Variants in KIAA1755 observed in about 807,000 individuals in gnomAD.
KIAA1755 encodes the protein KIAA1755.
In KIAA1755, 68 loss-of-function variants were observed where a neutral mutation model predicts 91.7. The ratio of observed to expected loss-of-function variants is 0.74; its 90% CI spans 0.61 to 0.91. The LOEUF (loss-of-function observed/expected upper bound fraction) is 0.91, where lower values mean the gene tolerates loss of function less well. Among genes scored for constraint, KIAA1755 ranks in the 40% least tolerant of loss-of-function variants. The pLI is 0.00. For missense variants in KIAA1755, 1,535 were observed against 1,494.4 expected, an observed-to-expected ratio of 1.03 and a Z score of -0.45; for synonymous variants, 610 against 604.6, an observed-to-expected ratio of 1.01 and a Z score of -0.13.
rs1286256694 is a variant in KIAA1755 at position 38,239,695 on chromosome 20, G to C, written c.1580C>G (p.Pro527Arg). Residue 527 changes from proline (P) to arginine (R), a missense_variant, in exon 4 of 14, where the codon CCA (proline) becomes CGA (arginine). Physicochemically the swap from Pro to Arg is moderately radical, Grantham distance 103. Transcript: ENST00000279024. ...AGTCAGTGGGCTGGGGGCAGTGGCT[G>C]GGCCAGATGTTTTGGTCTGAGTTGT... ...AGTTQTKTSG[P>R]ATAPSPLTEE... The C allele has an allele frequency of 3.1e-6, 5 of 1,612,354 alleles. No individual in the cohort carries two copies. The highest frequency in any genetic ancestry group is 1.3e-5 in the African/African-American group (1 of 74,852).
intron 4 of KIAA1755, among the ~76,000 whole-genome samples, chr20:38,232,684 G>A (rs2075890448): frequency 2.6e-5 from 4 of 151,520 alleles, no homozygotes. Flanking sequence ...ATATATCAAT[G>A]TTATCCTCTT....
chr20:38,255,714 T>C (rs1384368733), intron 1 of KIAA1755, among the ~76,000 whole-genome samples: 2 of 152,164 alleles, frequency 1.3e-5, no homozygotes, highest in Non-Finnish European at 2.9e-5. Context: ...TGAGTGAGTA[T>C]TGGCTCGTAT....
At chr20:38,258,672 C>G (rs1322650240) in intron 1 of KIAA1755, among the ~76,000 whole-genome samples, 3 of 152,134 alleles carry the variant, frequency 2.0e-5, no homozygotes, top group African/African-American at 7.2e-5. Flanking sequence ...CAAGCAGGAA[C>G]AGCATGTGCA....
At chr20:38,214,198 G>C (rs1488710264) in intron 13 of KIAA1755, among the ~76,000 whole-genome samples, 1 of 152,120 alleles carries the variant, frequency 6.6e-6, no homozygotes, top group Non-Finnish European at 1.5e-5. Flanking sequence ...TGATCCACCC[G>C]CCGCAGCCTC....
intron 10 of KIAA1755, 64 bp from the exon 11 acceptor site, chr20:38,219,832 C>T (rs537857415): frequency 1.4e-5 from 22 of 1,580,532 alleles, no homozygotes; most frequent in South Asian, 1.4e-4. Context: ...GTACTTCTGT[C>T]CCGCATAGGC....
chr20:38,238,628 T>C (rs1256908807), intron 4 of KIAA1755, among the ~76,000 whole-genome samples: 1 of 152,206 alleles, frequency 6.6e-6, no homozygotes, highest in African/African-American at 2.4e-5. Flanking sequence ...ACACTTTGTT[T>C]ACACTGGGTT....
At position 38,211,697 on chromosome 20, in the gene KIAA1755, T is replaced by G. The variant is rs554781573; in HGVS notation, c.*1345A>C. Reference sequence around the variant, plus strand: ...GAGGGACCTCTAAGGCGGAGAGGATTCTCTCTGGAGGACAAGGACAAGGTT... The same window carrying G: ...GAGGGACCTCTAAGGCGGAGAGGATGCTCTCTGGAGGACAAGGACAAGGTT... On this transcript the variant is annotated 3_prime_UTR_variant, in exon 14 of 14. Coordinates refer to ENST00000279024, the MANE Select transcript of KIAA1755 (RefSeq NM_001029864.2). 1.3e-4 allele frequency: 20 copies of G among 152,336 alleles called. No homozygotes were observed. Among genetic ancestry groups the G allele is most frequent in the African/African-American group, 4.3e-4 (18 of 41,574 alleles). 9.4% of individuals were successfully genotyped at this position (152,336 alleles called of 1,614,324 possible).
At chr20:38,243,670 AT>A (rs1178045888) in intron 2 of KIAA1755, among the ~76,000 whole-genome samples, 2 of 152,182 alleles carry the variant, frequency 1.3e-5, no homozygotes, top group Non-Finnish European at 2.9e-5. Flanking sequence ...AGGCCTTCAC[AT>A]TTCAAGTCAG....
chr20:38,255,705 G>A (rs1307477597), intron 1 of KIAA1755, among the ~76,000 whole-genome samples: 1 of 152,120 alleles, frequency 6.6e-6, no homozygotes, highest in Non-Finnish European at 1.5e-5. Flanking sequence ...GTGGAGGTAT[G>A]AGTGAGTATT....
intron 1 of KIAA1755, among the ~76,000 whole-genome samples, chr20:38,251,898 T>A (rs1330433235): frequency 6.6e-6 from 1 of 152,110 alleles, no homozygotes; most frequent in African/African-American, 2.4e-5. Context: ...TTTCGTCAAG[T>A]AAAATAAACA....
chr20:38,234,680 C>T (rs1462754786), intron 4 of KIAA1755, among the ~76,000 whole-genome samples: 3 of 152,212 alleles, frequency 2.0e-5, no homozygotes, highest in Non-Finnish European at 2.9e-5. Flanking sequence ...AAAGGGTTCA[C>T]ACACTCAGGA....
intron 5 of KIAA1755, among the ~76,000 whole-genome samples, chr20:38,228,652 C>T (rs1364196098): frequency 1.3e-5 from 2 of 152,084 alleles, no homozygotes; most frequent in Non-Finnish European, 2.9e-5. Context: ...ACAGTAGTGA[C>T]GTAATTCCTC....
intron 10 of KIAA1755, among the ~76,000 whole-genome samples, chr20:38,220,420 T>C (rs1250640522): frequency 1.3e-5 from 2 of 151,704 alleles, no homozygotes; most frequent in African/African-American, 2.4e-5. Context: ...GTTCCAACGA[T>C]TCTCCTGCCT....
intron 13 of KIAA1755, among the ~76,000 whole-genome samples, chr20:38,215,599 G>A (rs1235436771): frequency 2.0e-5 from 3 of 152,238 alleles, no homozygotes; most frequent in South Asian, 2.1e-4. Context: ...AAGAGGGGAT[G>A]TGTGAGCTGA....
At chr20:38,259,548 AG>A (rs1460412571) in intron 1 of KIAA1755, among the ~76,000 whole-genome samples, 9 of 146,846 alleles carry the variant, frequency 6.1e-5, no homozygotes, top group African/African-American at 2.3e-4. Flanking sequence ...AGAGAGAGAG[AG>A]TATGAACACC....
chr20:38,217,969 G>A, intron 12 of KIAA1755: 1 of 486,818 alleles, frequency 2.1e-6, no homozygotes, highest in South Asian at 2.7e-5. Context: ...CCGGCTCTGT[G>A]AGGCTGAGTT....
rs765933179 is a variant in KIAA1755, at chr20:38,218,347, TGCTCCATCCA to T, written c.2566_2575del (p.Trp856ArgfsTer10). The T allele has an allele frequency of 1.9e-6, 3 of 1,614,212 alleles. No individual in the cohort carries two copies. The Admixed American group carries it at 5.0e-5, about 27-fold the overall frequency. On this transcript the variant is annotated frameshift_variant, in exon 12 of 14. Coordinates refer to ENST00000279024, the MANE Select transcript of KIAA1755 (RefSeq NM_001029864.2). LOFTEE classifies it high-confidence loss of function. ...TGATTGCAGGCACCGCCTTCCTTCC[TGCTCCATCCA>T]GTCGCTGACCTGGGGCAGGAGAGGC... is the stretch of plus-strand genomic sequence containing the variant.
intron 4 of KIAA1755, among the ~76,000 whole-genome samples, chr20:38,232,360 C>T (rs1206681825): frequency 2.0e-5 from 3 of 152,176 alleles, no homozygotes; most frequent in Non-Finnish European, 4.4e-5. Flanking sequence ...GGCACGGTGG[C>T]TCACGCCTGT....
In KIAA1755 at chr20:38,231,508, G is replaced by A. The variant is rs545128522; in HGVS notation, c.1748-183C>T. On this transcript the variant is annotated intron_variant, in intron 4 of 13. Coordinates refer to ENST00000279024, the MANE Select transcript of KIAA1755 (RefSeq NM_001029864.2). ...CAAGACCCAGCTCAAACACCACTTC[G>A]TGAGAAAAGTCTTCCCTGAATCTCC... Among the ~76,000 whole-genome samples, 5 of 152,264 alleles carry A rather than the reference G, an allele frequency of 3.3e-5. No homozygotes were observed. In the South Asian group the frequency reaches 1.0e-3, roughly 32 times the overall value.
Sources: allele counts gnomAD v4.1 joint callset (sites outside exome capture counted in the v4.1 genomes callset), GRCh38; gene constraint gnomAD v4.1.1; transcripts MANE v1.5; gene names NCBI Gene and HGNC (gene_info 2026-07-23, HGNC 2026-07-21).